NAP1L4: variants seen among roughly 807,000 people sequenced by gnomAD.
NAP1L4 encodes nucleosome assembly protein 1-like 4.
NAP1L4 carries 15 observed loss-of-function variants against 58.2 expected under a neutral mutation model. That is an observed-to-expected ratio of 0.26 (90% CI 0.17 to 0.40). NAP1L4 has a LOEUF of 0.40. Among genes scored for constraint, NAP1L4 ranks in the 10% least tolerant of loss-of-function variants. The pLI, the probability that NAP1L4 is intolerant of heterozygous loss-of-function variation, is 1.00. For synonymous variants in NAP1L4, 171 were observed against 155.6 expected (o/e 1.10, Z -0.74); for missense variants, 384 against 451.1 (o/e 0.85, Z 1.35).
intron 12 of NAP1L4, among the ~76,000 whole-genome samples, chr11:2,953,863 T>C (rs1342721322): frequency 1.3e-5 from 2 of 152,224 alleles, no homozygotes; most frequent in African/African-American, 4.8e-5. Context: ...GAGTATCATC[T>C]AGAACATACT....
chr11:2,956,317 C>T (rs1846536846), intron 10 of NAP1L4, among the ~76,000 whole-genome samples: 1 of 152,182 alleles, frequency 6.6e-6, no homozygotes, highest in Non-Finnish European at 1.5e-5. Context: ...AAAGCTGATG[C>T]TCAGACGAGC....
intron 14 of NAP1L4, among the ~76,000 whole-genome samples, chr11:2,950,528 T>A (rs1311523365): frequency 6.6e-6 from 1 of 152,310 alleles, no homozygotes; most frequent in East Asian, 1.9e-4. Context: ...TGACAGCCCA[T>A]AATATACTTA....
intron 1 of NAP1L4, chr11:2,981,910 T>G (rs1848344448): frequency 6.6e-6 from 1 of 152,504 alleles, no homozygotes; most frequent in Non-Finnish European, 1.5e-5. Context: ...CCTGTCTACC[T>G]CCCCACACTC....
chr11:2,990,910 T>C (rs1848924582), intron 1 of NAP1L4: 2 of 343,554 alleles, frequency 5.8e-6, no homozygotes, highest in Non-Finnish European at 1.2e-5. Context: ...AAGACTTACC[T>C]TTAAGGTCCA....
At chr11:2,988,372 C>T (rs756120534) in intron 1 of NAP1L4, among the ~76,000 whole-genome samples, 3 of 152,168 alleles carry the variant, frequency 2.0e-5, no homozygotes, top group Non-Finnish European at 4.4e-5. Context: ...ACCAAAGTCC[C>T]TACTCCTCTG....
Position 2,959,556 on chromosome 11 carries a change from T to C in NAP1L4, c.746+214A>G, listed in dbSNP as rs181470995. 6.6e-6 allele frequency among the ~76,000 whole-genome samples: 1 copy of C among 152,368 alleles called. No individual in the cohort carries two copies. Among genetic ancestry groups the C allele is most frequent in the African/African-American group, 2.4e-5 (1 of 41,592 alleles). On this transcript the variant is annotated intron_variant, in intron 9 of 15. Transcript: ENST00000380542. This position sits in a 1 kb window ranked among gnomAD's most constrained non-coding sequence, Gnocchi z 4.9. ...CCAAAGGCTTGCATGTGCAACCACG[T>C]GACTCATTTCCCAGGTTCAGCCGCC...
intron 7 of NAP1L4, 83 bp downstream of exon 7, chr11:2,969,720 A>G (rs1564983270): frequency 6.8e-7 from 1 of 1,464,308 alleles, no homozygotes; most frequent in Non-Finnish European, 9.2e-7. Flanking sequence ...TTCAATGCCC[A>G]GTGTAGTGCT....
chr11:2,980,801 C>T lies in NAP1L4; in HGVS notation c.-17-1564G>A, dbSNP rs1187083253. 2.6e-5 allele frequency among the ~76,000 whole-genome samples: 4 copies of T among 152,268 alleles called. No homozygotes were observed. The East Asian group carries it at 7.7e-4, about 29-fold the overall frequency. ...TATGACTGTCCTGTATTTAACTCAA[C>T]TACTTTTTTAAAATTTTTATTGTTT... On this transcript the variant is annotated intron_variant, in intron 1 of 15. Transcript: ENST00000380542.
At position 2,972,213 on chromosome 11, in the gene NAP1L4, A is replaced by C. The variant is rs1307448204; in HGVS notation, c.204T>G (p.Asn68Lys). Reference protein sequence around the residue: ...TLPKAVKRRINALKQLQVRCA... With the variant: ...TLPKAVKRRIKALKQLQVRCA... ...ATCTCACCTGAAGTTGTTTCAATGC[A>C]TTAATTCTTCTTTTTACTGCTTTAG... The change falls in exon 5 of 16, where the codon AAT (asparagine) becomes AAG (lysine). Residue 68 changes from asparagine to lysine, a missense_variant. Physicochemically the swap from Asn to Lys is moderately conservative, Grantham distance 94. Around this residue, in one of 3 missense-constraint regions of NAP1L4, gnomAD observed 4 missense variants for 16.7 expected, o/e 0.24. Transcript: ENST00000380542. 32 of 1,609,784 alleles carry C rather than the reference A, an allele frequency of 2.0e-5. No individual in the cohort carries two copies. Among genetic ancestry groups the C allele is most frequent in the Non-Finnish European group, 2.6e-5 (31 of 1,178,902 alleles).
intron 10 of NAP1L4, chr11:2,958,178 CAGA>C (rs2042675827): frequency 1.5e-6 from 1 of 686,972 alleles, no homozygotes; most frequent in African/African-American, 1.8e-5. Flanking sequence ...CCCTTTCCTG[CAGA>C]AGATGACAAT....
rs977059737 is a variant in NAP1L4, at chr11:2,992,260, C to A, written c.-24G>T. 21 of 152,530 alleles carry A rather than the reference C, an allele frequency of 1.4e-4. No homozygotes were observed. Among genetic ancestry groups the A allele is most frequent in the African/African-American group, 4.8e-4 (20 of 41,548 alleles). The allele number at this position is 152,530 out of a possible 1,614,324, so 9.4% of individuals were successfully genotyped here. On this transcript the variant is annotated 5_prime_UTR_variant, in exon 1 of 16. Transcript: ENST00000380542. Reference sequence around the variant, plus strand: ...AGCACCCGTGTCTCCGCACCTCACGCCTCCTGCGGCAGTGGCGGCGACCCT... The same window carrying A: ...AGCACCCGTGTCTCCGCACCTCACGACTCCTGCGGCAGTGGCGGCGACCCT...
chr11:2,962,352 G>A (rs767696485), intron 8 of NAP1L4, among the ~76,000 whole-genome samples: 1 of 152,216 alleles, frequency 6.6e-6, no homozygotes, highest in Non-Finnish European at 1.5e-5. Flanking sequence ...GTGGCAGCAG[G>A]GTGACACTGT....
At chr11:2,961,038 A>T (rs1846865520) in intron 8 of NAP1L4, among the ~76,000 whole-genome samples, 1 of 152,162 alleles carries the variant, frequency 6.6e-6, no homozygotes, top group African/African-American at 2.4e-5. Flanking sequence ...CTTGGTGGTT[A>T]ATCTGTATCA....
intron 3 of NAP1L4, among the ~76,000 whole-genome samples, chr11:2,976,743 A>G (rs1265318905): frequency 1.3e-5 from 2 of 152,206 alleles, no homozygotes; most frequent in African/African-American, 4.8e-5. Flanking sequence ...TGAGCTCACA[A>G]TACCAAGCTG....
chr11:2,987,662 CAGG>C (rs139040311), intron 1 of NAP1L4, among the ~76,000 whole-genome samples: 7,078 of 144,670 alleles, frequency 0.049, 565 homozygotes, highest in African/African-American at 0.17. Flanking sequence ...GAGGCTGAGA[CAGG>C]AGAATTGCTT....
chr11:2,968,988 G>GTTTTT (rs61176259), intron 7 of NAP1L4, among the ~76,000 whole-genome samples: 7 of 113,570 alleles, frequency 6.2e-5, no homozygotes, highest in Non-Finnish European at 1.1e-4. Context: ...TTGTTGTGTT[G>GTTTTT]TTTTTTTTTT....
At chr11:2,981,418 CAAAAAAA>C (rs35499396) in intron 1 of NAP1L4, among the ~76,000 whole-genome samples, 6,058 of 40,854 alleles carry the variant, frequency 0.15, 204 homozygotes, top group Middle Eastern at 0.24. Flanking sequence ...TACCCTGTCT[CAAAAAAA>C]AAAAAAAAAA....
Position 2,954,416 on chromosome 11 carries a change from G to A in NAP1L4, c.1035+111C>T. 6.9e-7 allele frequency: 1 copy of A among 1,458,172 alleles called. No individual in the cohort carries two copies. The highest frequency in any genetic ancestry group is 9.6e-7 in the Non-Finnish European group (1 of 1,044,932). 90.3% of individuals were successfully genotyped at this position (1,458,172 alleles called of 1,614,324 possible). A position where few individuals can be genotyped will look rare whatever the true frequency, so the allele number is the denominator to read the frequency against. ...AGCTTGGACTACATATCTGGCTGAT[G>A]ATGTAATAAAAAGATTAGGCATGGG... is the stretch of plus-strand genomic sequence containing the variant. On this transcript the variant is annotated intron_variant, in intron 12 of 15. Coordinates refer to ENST00000380542, the MANE Select transcript of NAP1L4 (RefSeq NM_005969.4). This position sits in a 1 kb window ranked among gnomAD's most constrained non-coding sequence, Gnocchi z 4.8.
At chr11:2,980,461 C>T (rs546312417) in intron 1 of NAP1L4, among the ~76,000 whole-genome samples, 3 of 152,190 alleles carry the variant, frequency 2.0e-5, no homozygotes, top group Non-Finnish European at 4.4e-5. Context: ...GTTGGGATTA[C>T]AGGTGTGAGT....
Sources: allele counts gnomAD v4.1 joint callset (sites outside exome capture counted in the v4.1 genomes callset), GRCh38; gene constraint gnomAD v4.1.1; regional missense constraint gnomAD v4.1.1; non-coding constraint Gnocchi (gnomAD v3.1); transcripts MANE v1.5; gene names NCBI Gene and HGNC (gene_info 2026-07-23, HGNC 2026-07-21).